The following HPSE2 variants were observed in gnomAD, a reference collection of about 807,000 sequenced individuals.
The protein encoded by HPSE2 is heparanase 2 (inactive).
HPSE2 carries 38 observed loss-of-function variants against 60.5 expected under a neutral mutation model. That is an observed-to-expected ratio of 0.63 (90% CI 0.48 to 0.82). The LOEUF is 0.82. HPSE2 is among the 40% of genes least tolerant of loss of function. The pLI, the probability that HPSE2 is intolerant of heterozygous loss-of-function variation, is 0.00. For missense variants in HPSE2, 713 were observed against 740.4 expected (o/e 0.96, Z 0.43); for synonymous variants, 295 against 293.2 (o/e 1.01, Z -0.06).
the HPSE2 span, among the ~76,000 whole-genome samples, chr10:99,312,307 G>A: frequency 6.6e-6 from 1 of 152,196 alleles, no homozygotes; most frequent in Non-Finnish European, 1.5e-5. Flanking sequence ...TAGCTAGAGA[G>A]ATGTCAACAC....
At chr10:99,008,475 T>C (rs771149136) in intron 3 of HPSE2, among the ~76,000 whole-genome samples, 2 of 152,212 alleles carry the variant, frequency 1.3e-5, no homozygotes, top group Non-Finnish European at 2.9e-5. Flanking sequence ...GGCTTGTTTC[T>C]AGACAAAGGA....
intron 3 of HPSE2, among the ~76,000 whole-genome samples, chr10:99,142,574 G>A (rs1845899619): frequency 6.6e-6 from 1 of 152,202 alleles, no homozygotes; most frequent in Non-Finnish European, 1.5e-5. Context: ...CTTTGAAGCA[G>A]CTTAGGAGAA....
chr10:98,583,134 T>C (rs2133925773), intron 9 of HPSE2, among the ~76,000 whole-genome samples: 1 of 152,314 alleles, frequency 6.6e-6, no homozygotes, highest in African/African-American at 2.4e-5. Flanking sequence ...GAATAGGGTC[T>C]GGAGGCAGGG....
chr10:98,831,594 G>C (rs1771543362), intron 3 of HPSE2, among the ~76,000 whole-genome samples: 3 of 152,150 alleles, frequency 2.0e-5, no homozygotes, highest in Admixed American at 2.0e-4. Context: ...CTGGAAATTT[G>C]GGATTGTTCT....
intron 3 of HPSE2, among the ~76,000 whole-genome samples, chr10:98,749,947 T>TATATACACACAC: frequency 5.1e-5 from 5 of 98,484 alleles, no homozygotes; most frequent in East Asian, 2.8e-4. Context: ...TATATATATA[T>TATATACACACAC]ACACACACAC....
chr10:98,729,602 C>T (rs2134279742), intron 4 of HPSE2, among the ~76,000 whole-genome samples: 1 of 152,002 alleles, frequency 6.6e-6, no homozygotes, highest in Non-Finnish European at 1.5e-5. Flanking sequence ...GAGCGAGACT[C>T]TGTCTCAAAA....
At chr10:98,579,599 C>T (rs1460885165) in intron 9 of HPSE2, among the ~76,000 whole-genome samples, 1 of 152,138 alleles carries the variant, frequency 6.6e-6, no homozygotes, top group African/African-American at 2.4e-5. Flanking sequence ...CTTCCACTTC[C>T]TAATTCTGTC....
In HPSE2 at chr10:98,482,621, C is replaced by T; in HGVS notation, c.1613+15G>A. On this transcript the variant is annotated intron_variant, in intron 11 of 11. Coordinates refer to ENST00000370552, the MANE Select transcript of HPSE2 (RefSeq NM_021828.5). The stretch of plus-strand genomic sequence containing the variant: ...GCTGCACTTGCTCCCGAGCTATTTT[C>T]AGGTTGGCACGTACTTGGACTTTAG... 4 of 1,614,090 alleles carry T rather than the reference C, an allele frequency of 2.5e-6. No individual in the cohort carries two copies. Among genetic ancestry groups the T allele is most frequent in the Non-Finnish European group, 3.4e-6 (4 of 1,180,006 alleles).
chr10:99,267,709 G>A, the HPSE2 span, among the ~76,000 whole-genome samples: 1 of 151,876 alleles, frequency 6.6e-6, no homozygotes. Context: ...GAACCTGGGA[G>A]GCGGAGGTTG....
At chr10:98,521,232 A>G (rs112676836) in intron 9 of HPSE2, among the ~76,000 whole-genome samples, 2,499 of 152,352 alleles carry the variant, frequency 0.016, 29 homozygotes, top group Middle Eastern at 0.041. Context: ...AATTTTTGCA[A>G]TCTACCCATC....
intron 6 of HPSE2, among the ~76,000 whole-genome samples, chr10:98,683,274 G>A (rs1462270414): frequency 6.6e-6 from 1 of 150,980 alleles, no homozygotes; most frequent in Non-Finnish European, 1.5e-5. Flanking sequence ...TGAGGAAAAG[G>A]TTTAAAGTCA....
chr10:99,191,438 T>C (rs1276280305), intron 2 of HPSE2, among the ~76,000 whole-genome samples: 1 of 152,148 alleles, frequency 6.6e-6, no homozygotes, highest in Non-Finnish European at 1.5e-5. Flanking sequence ...TTCCATTTGT[T>C]TGCAGGCAAA....
At chr10:98,906,327 C>T (rs933277111) in intron 3 of HPSE2, among the ~76,000 whole-genome samples, 2 of 152,170 alleles carry the variant, frequency 1.3e-5, no homozygotes, top group Non-Finnish European at 2.9e-5. Context: ...TGAACTACTG[C>T]CATGGAGTTT....
chr10:98,858,591 T>C (rs1055996092), intron 3 of HPSE2, among the ~76,000 whole-genome samples: 1 of 152,152 alleles, frequency 6.6e-6, no homozygotes. Context: ...TAAAAGTTGC[T>C]GAAAAAGCCT....
At chr10:98,936,684 T>C (rs1457165439) in intron 3 of HPSE2, among the ~76,000 whole-genome samples, 2 of 143,260 alleles carry the variant, frequency 1.4e-5, no homozygotes, top group Non-Finnish European at 3.0e-5. Context: ...AATACTTACT[T>C]ATTTTGAAAG....
intron 3 of HPSE2, among the ~76,000 whole-genome samples, chr10:98,765,698 C>T (rs1950104012): frequency 6.6e-6 from 1 of 151,906 alleles, no homozygotes; most frequent in South Asian, 2.1e-4. Flanking sequence ...ATTAGCCAGG[C>T]ATGGCATGGT....
chr10:98,865,094 G>T (rs752126185), intron 3 of HPSE2, among the ~76,000 whole-genome samples: 2 of 152,066 alleles, frequency 1.3e-5, no homozygotes, highest in Non-Finnish European at 2.9e-5. Flanking sequence ...CTTAAGAGAT[G>T]ATCTCAATTG....
chr10:99,314,583 T>C, the HPSE2 span, among the ~76,000 whole-genome samples: 1 of 152,204 alleles, frequency 6.6e-6, no homozygotes, highest in Non-Finnish European at 1.5e-5. Flanking sequence ...CCAAAAACTT[T>C]GACTTACTGC....
intron 2 of HPSE2, among the ~76,000 whole-genome samples, chr10:99,217,190 A>G (rs1849157654): frequency 6.6e-6 from 1 of 150,388 alleles, no homozygotes; most frequent in South Asian, 2.1e-4. Context: ...AAGTAGTAAC[A>G]TTAGTATCTA....
Sources: gnomAD v4.1 joint callset for allele counts (sites outside exome capture counted in the v4.1 genomes callset) on GRCh38, gnomAD v4.1.1 for gene constraint, MANE v1.5 for transcripts, NCBI Gene and HGNC (gene_info 2026-07-23, HGNC 2026-07-21) for gene names.